CENPK: variants seen among roughly 807,000 people sequenced by gnomAD.
The protein encoded by CENPK is SoxLZ/Sox6-binding protein Solt.
A neutral mutation model predicts 40.9 loss-of-function variants in CENPK; 46 were observed. The observed-to-expected ratio is 1.13, with a 90% CI of 0.89 to 1.44. The LOEUF (loss-of-function observed/expected upper bound fraction) is 1.44. Among genes scored for constraint, CENPK ranks in the 40% most tolerant of loss-of-function variants. The pLI is 0.00. For synonymous variants in CENPK, 107 were observed against 104.4 expected (o/e 1.02, Z -0.15); for missense variants, 288 against 303.5 (o/e 0.95, Z 0.38).
At chr5:65,505,602 C>A in the CENPK span, among the ~76,000 whole-genome samples, 1 of 152,228 alleles carries the variant, frequency 6.6e-6, no homozygotes, top group Non-Finnish European at 1.5e-5. Context: ...GACTCTGCCA[C>A]TGCACTCCAG....
At chr5:65,512,636 G>A in the CENPK span, among the ~76,000 whole-genome samples, 11 of 152,210 alleles carry the variant, frequency 7.2e-5, 1 homozygote, top group East Asian at 2.1e-3. Flanking sequence ...CTAGACTACA[G>A]TATAGTATAA....
the CENPK span, among the ~76,000 whole-genome samples, chr5:65,509,748 T>C: frequency 6.6e-6 from 1 of 152,248 alleles, no homozygotes; most frequent in Non-Finnish European, 1.5e-5. Flanking sequence ...GGAAGGTTTT[T>C]GGTAACCCTG....
At chr5:65,523,205 C>G (rs1195694280) in intron 9 of CENPK, among the ~76,000 whole-genome samples, 1 of 152,176 alleles carries the variant, frequency 6.6e-6, no homozygotes, top group Admixed American at 6.5e-5. Context: ...AGCCCTCTTA[C>G]TTTCACATCA....
At chr5:65,537,261 T>C (rs973443545) in intron 6 of CENPK, among the ~76,000 whole-genome samples, 5 of 152,220 alleles carry the variant, frequency 3.3e-5, no homozygotes, top group African/African-American at 4.8e-5. Flanking sequence ...CCTACAACTA[T>C]GTATGAACAA....
intron 6 of CENPK, among the ~76,000 whole-genome samples, chr5:65,540,393 T>C (rs1396901498): frequency 6.6e-6 from 1 of 152,230 alleles, no homozygotes; most frequent in East Asian, 1.9e-4. Context: ...TGCAATAACA[T>C]TGTGATATTG....
intron 10 of CENPK, 61 bp from the exon 11 acceptor site, chr5:65,518,694 A>G: frequency 8.9e-7 from 1 of 1,126,828 alleles, no homozygotes; most frequent in Non-Finnish European, 1.3e-6. Context: ...TAGCTATAAG[A>G]AAGTTTTTTG....
chr5:65,513,510 A>C (rs245555), downstream of CENPK, among the ~76,000 whole-genome samples: 61,851 of 151,952 alleles, frequency 0.41, 12,944 homozygotes, highest in East Asian at 0.65. Flanking sequence ...TCTTGTACAA[A>C]GTTAATTTTG....
intron 5 of CENPK, among the ~76,000 whole-genome samples, chr5:65,547,734 G>C (rs926307142): frequency 6.6e-6 from 1 of 151,762 alleles, no homozygotes; most frequent in Non-Finnish European, 1.5e-5. Flanking sequence ...GCATGATCTC[G>C]GCTCACAGCA....
the CENPK span, among the ~76,000 whole-genome samples, chr5:65,496,426 T>C: frequency 6.6e-6 from 1 of 152,206 alleles, no homozygotes. Context: ...ACTCCTACTT[T>C]GTTAATAATC....
At chr5:65,519,631 A>G (rs900103581) in intron 10 of CENPK, among the ~76,000 whole-genome samples, 1 of 152,202 alleles carries the variant, frequency 6.6e-6, no homozygotes, top group South Asian at 2.1e-4. Flanking sequence ...TAATTTATAC[A>G]ATTACAAAGT....
intron 5 of CENPK, among the ~76,000 whole-genome samples, chr5:65,548,862 A>G (rs1454296227): frequency 6.6e-6 from 1 of 152,080 alleles, no homozygotes; most frequent in East Asian, 1.9e-4. Context: ...TGAACCCCTC[A>G]GAGTCATCCA....
intron 6 of CENPK, among the ~76,000 whole-genome samples, chr5:65,542,505 T>G (rs1326320942): frequency 6.6e-6 from 1 of 151,834 alleles, no homozygotes; most frequent in Non-Finnish European, 1.5e-5. Flanking sequence ...GGCATGGTGG[T>G]GCATGCCTGT....
downstream of CENPK, among the ~76,000 whole-genome samples, chr5:65,516,228 T>A (rs1186081345): frequency 1.3e-5 from 2 of 152,200 alleles, no homozygotes; most frequent in Non-Finnish European, 2.9e-5. Context: ...GGATTTCTTG[T>A]TTAGTCGTTT....
intron 1 of CENPK, 79 bp from the exon 2 acceptor site, chr5:65,561,643 C>A: frequency 3.1e-6 from 1 of 323,198 alleles, no homozygotes; most frequent in Non-Finnish European, 6.5e-6. Context: ...TTTTCCCGTT[C>A]CCACATTTTG....
intron 6 of CENPK, among the ~76,000 whole-genome samples, chr5:65,537,383 C>T (rs1464768127): frequency 6.6e-6 from 1 of 152,200 alleles, no homozygotes; most frequent in Non-Finnish European, 1.5e-5. Context: ...CGGCTCACTG[C>T]AAGGTCCTCC....
intron 6 of CENPK, chr5:65,541,523 AG>A: frequency 2.2e-6 from 1 of 446,086 alleles, no homozygotes; most frequent in Non-Finnish European, 4.6e-6. Flanking sequence ...GACGGAGACT[AG>A]GAAAAACACT....
chr5:65,498,157 C>A, the CENPK span, among the ~76,000 whole-genome samples: 4 of 151,818 alleles, frequency 2.6e-5, no homozygotes, highest in African/African-American at 9.7e-5. Flanking sequence ...CTACCCTAGC[C>A]TAGAAATAAT....
intron 4 of CENPK, 101 bp downstream of exon 4, chr5:65,552,380 CAGGTATTAACAA>C: frequency 3.4e-6 from 2 of 584,118 alleles, no homozygotes; most frequent in South Asian, 2.4e-5. Context: ...ATTAAGCATA[CAGGTATTAACAA>C]AGGTATTAAA....
At chr5:65,497,144 G>T in the CENPK span, among the ~76,000 whole-genome samples, 2 of 150,862 alleles carry the variant, frequency 1.3e-5, no homozygotes, top group East Asian at 4.0e-4. Context: ...GAGGCGGGCG[G>T]ACTACCTGAG....
Sources: gnomAD v4.1 joint callset for allele counts (sites outside exome capture counted in the v4.1 genomes callset) on GRCh38, gnomAD v4.1.1 for gene constraint, MANE v1.5 for transcripts, NCBI Gene and HGNC (gene_info 2026-07-23, HGNC 2026-07-21) for gene names.